Variants in INPP4B observed in about 807,000 individuals in gnomAD.
INPP4B encodes the protein inositol polyphosphate-4-phosphatase type II B, also known as inositol polyphosphate 4-phosphatase type II.
INPP4B carries 55 observed loss-of-function variants against 122.5 expected under a neutral mutation model. The ratio of observed to expected loss-of-function variants is 0.45; its 90% CI spans 0.36 to 0.56. The LOEUF (loss-of-function observed/expected upper bound fraction) is 0.56, where lower values mean the gene tolerates loss of function less well. INPP4B is among the 20% of genes least tolerant of loss of function. INPP4B has a pLI of 0.00. For missense variants in INPP4B, 1,000 were observed against 1,097.7 expected (o/e 0.91, Z 1.26); for synonymous variants, 403 against 388.7 (o/e 1.04, Z -0.43).
intron 14 of INPP4B, among the ~76,000 whole-genome samples, chr4:142,199,526 G>A (rs1839788458): frequency 6.6e-6 from 1 of 151,988 alleles, no homozygotes; most frequent in South Asian, 2.1e-4. Context: ...AAGGAATATA[G>A]AATTCCTTTA....
chr4:142,041,460 A>G lies in INPP4B; in HGVS notation c.2643-12546T>C, dbSNP rs1443406327. Among the ~76,000 whole-genome samples, 7 of 152,212 alleles carry G rather than the reference A, an allele frequency of 4.6e-5. No homozygotes were observed. In the South Asian group the frequency reaches 8.3e-4, roughly 18 times the overall value. Reference sequence around the variant, plus strand: ...TGGTGAAACCCCGCCTCTACTAAAAATACAAAAATTAGCTGGGCTTGGTGG... The same window carrying G: ...TGGTGAAACCCCGCCTCTACTAAAAGTACAAAAATTAGCTGGGCTTGGTGG... On this transcript the variant is annotated intron_variant, in intron 25 of 25. Coordinates refer to ENST00000262992, the MANE Select transcript of INPP4B (RefSeq NM_001101669.3).
intron 1 of INPP4B, among the ~76,000 whole-genome samples, chr4:142,807,622 C>T (rs1041237792): frequency 3.3e-5 from 5 of 152,124 alleles, no homozygotes; most frequent in Non-Finnish European, 7.4e-5. Context: ...AGGAGCAAGA[C>T]CAAAGCGTGC....
chr4:142,472,621 C>G (rs1307106149), intron 2 of INPP4B, among the ~76,000 whole-genome samples: 1 of 152,120 alleles, frequency 6.6e-6, no homozygotes, highest in Non-Finnish European at 1.5e-5. Context: ...TTACATAGCT[C>G]CCCATCTCAA....
chr4:142,360,295 T>TTTTATATTA (rs1410604874), intron 7 of INPP4B, among the ~76,000 whole-genome samples: 1 of 151,890 alleles, frequency 6.6e-6, no homozygotes, highest in Non-Finnish European at 1.5e-5. Context: ...AAAACCAGGG[T>TTTTATATTA]CAAATTACAA....
intron 1 of INPP4B, among the ~76,000 whole-genome samples, chr4:142,779,321 G>A (rs1272445652): frequency 6.6e-6 from 1 of 152,062 alleles, no homozygotes; most frequent in East Asian, 1.9e-4. Context: ...TGGTAAGGAT[G>A]TTTTAATTAT....
chr4:142,517,433 C>T (rs991294488), intron 2 of INPP4B, among the ~76,000 whole-genome samples: 6 of 151,986 alleles, frequency 3.9e-5, no homozygotes, highest in East Asian at 1.9e-4. Flanking sequence ...TCTAATGTTA[C>T]GCAGCTGACA....
intron 7 of INPP4B, among the ~76,000 whole-genome samples, chr4:142,385,236 A>T (rs930909683): frequency 6.6e-6 from 1 of 152,174 alleles, no homozygotes; most frequent in African/African-American, 2.4e-5. Flanking sequence ...ACAGTGTATA[A>T]GCGTTCTTTT....
chr4:142,643,309 C>T (rs924615557), intron 2 of INPP4B, among the ~76,000 whole-genome samples: 5 of 152,018 alleles, frequency 3.3e-5, no homozygotes, highest in African/African-American at 4.8e-5. Context: ...ATAGTGTATG[C>T]TTTATAATAT....
chr4:142,714,298 T>C (rs1292253351), intron 2 of INPP4B, among the ~76,000 whole-genome samples: 1 of 152,194 alleles, frequency 6.6e-6, no homozygotes, highest in Admixed American at 6.6e-5. Flanking sequence ...GGTGCCACTG[T>C]CATTGTACCA....
Position 142,729,733 on chromosome 4 carries a change from C to A in INPP4B, c.-253-3832G>T, listed in dbSNP as rs149021596. Among the ~76,000 whole-genome samples the A allele has an allele frequency of 7.7e-3, 1,166 of 152,292 alleles. 10 individuals are homozygous for A. Among genetic ancestry groups the A allele is most frequent in the African/African-American group, 0.026 (1,089 of 41,554 alleles). Reference sequence around the variant, plus strand: ...TCATACTGTCTCACTTTGTTACTTACTTCATCCACAGTCACTAGTCAGCTG... The same window carrying A: ...TCATACTGTCTCACTTTGTTACTTAATTCATCCACAGTCACTAGTCAGCTG... On this transcript the variant is annotated intron_variant, in intron 1 of 25. Coordinates refer to ENST00000262992, the MANE Select transcript of INPP4B (RefSeq NM_001101669.3).
intron 5 of INPP4B, among the ~76,000 whole-genome samples, chr4:142,421,960 C>G (rs1339423642): frequency 6.6e-6 from 1 of 152,040 alleles, no homozygotes; most frequent in Non-Finnish European, 1.5e-5. Flanking sequence ...GGGGATATTG[C>G]CTGATGGTTA....
intron 3 of INPP4B, among the ~76,000 whole-genome samples, chr4:142,448,726 T>A (rs1300590466): frequency 6.6e-6 from 1 of 152,188 alleles, no homozygotes; most frequent in Admixed American, 6.5e-5. Context: ...GTAGGACAAC[T>A]ATATTCAGAA....
At chr4:142,605,154 T>C (rs1740964859) in intron 2 of INPP4B, among the ~76,000 whole-genome samples, 1 of 151,860 alleles carries the variant, frequency 6.6e-6, no homozygotes. Flanking sequence ...TAAACAAAAA[T>C]TGTGACCTGA....
At chr4:142,436,200 T>C (rs116544119) in intron 3 of INPP4B, among the ~76,000 whole-genome samples, 291 of 152,176 alleles carry the variant, frequency 1.9e-3, no homozygotes, top group African/African-American at 6.5e-3. Flanking sequence ...GGGCGAGGCC[T>C]CCCTACAGGA....
At chr4:142,407,903 A>T (rs1047888539) in intron 5 of INPP4B, among the ~76,000 whole-genome samples, 5 of 152,206 alleles carry the variant, frequency 3.3e-5, no homozygotes, top group Admixed American at 6.5e-5. Context: ...GCAAAAAAAA[A>T]GTTTACTAAT....
At chr4:142,366,175 A>T (rs1787390837) in intron 7 of INPP4B, among the ~76,000 whole-genome samples, 1 of 152,026 alleles carries the variant, frequency 6.6e-6, no homozygotes, top group Non-Finnish European at 1.5e-5. Context: ...TTCAGAATGT[A>T]CTTTGTGAGA....
At chr4:142,074,277 T>C (rs1318916851) in intron 25 of INPP4B, among the ~76,000 whole-genome samples, 3 of 152,164 alleles carry the variant, frequency 2.0e-5, no homozygotes, top group Admixed American at 2.0e-4. Context: ...GAAGATGAGA[T>C]GAGTGAGAAT....
intron 2 of INPP4B, among the ~76,000 whole-genome samples, chr4:142,585,604 G>A (rs116242614): frequency 0.014 from 2,136 of 152,154 alleles, 38 homozygotes; most frequent in African/African-American, 0.041. Context: ...TTGCTCAACT[G>A]TTGGAGGAAG....
At chr4:142,363,084 C>T (rs1470409266) in intron 7 of INPP4B, among the ~76,000 whole-genome samples, 1 of 151,944 alleles carries the variant, frequency 6.6e-6, no homozygotes, top group Non-Finnish European at 1.5e-5. Flanking sequence ...TCTCTAAATG[C>T]CTTTGGCGCC....
Sources: allele counts gnomAD v4.1 joint callset (sites outside exome capture counted in the v4.1 genomes callset), GRCh38; gene constraint gnomAD v4.1.1; transcripts MANE v1.5; gene names NCBI Gene and HGNC (gene_info 2026-07-23, HGNC 2026-07-21).